Variants in GAK observed in about 807,000 individuals in gnomAD.
GAK encodes cyclin G associated kinase.
Under a neutral mutation model 143.9 loss-of-function variants are expected in GAK, and 79 were observed. The ratio of observed to expected loss-of-function variants is 0.55; its 90% CI spans 0.46 to 0.66. GAK has a LOEUF of 0.66. Ranked by LOEUF, GAK falls within the 30% of genes least tolerant of loss-of-function variation. The pLI is 0.00. For missense variants in GAK, 1,693 were observed against 1,779.7 expected (o/e 0.95, Z 0.88); for synonymous variants, 881 against 765.5 (o/e 1.15, Z -2.49).
intron 5 of GAK, among the ~76,000 whole-genome samples, chr4:904,355 C>T (rs1437274720): frequency 7.8e-6 from 1 of 127,938 alleles, no homozygotes; most frequent in Non-Finnish European, 1.6e-5. Flanking sequence ...GAGCGGGACC[C>T]GCACACAGAG....
intron 24 of GAK, among the ~76,000 whole-genome samples, chr4:858,200 T>G (rs1034859194): frequency 6.6e-6 from 1 of 152,244 alleles, no homozygotes; most frequent in African/African-American, 2.4e-5. Context: ...TTCTACATCC[T>G]TGCAGCCTTC....
chr4:902,182 A>C (rs1265524485), intron 5 of GAK, among the ~76,000 whole-genome samples: 2 of 151,558 alleles, frequency 1.3e-5, no homozygotes, highest in African/African-American at 4.9e-5. Flanking sequence ...AGGCTGCATG[A>C]GCCGAGATCG....
At chr4:849,833 G>GTCCCCCCCC in intron 27 of GAK, 59 bp from the exon 28 acceptor site, 1 of 1,190,152 alleles carries the variant, frequency 8.4e-7, no homozygotes, top group Non-Finnish European at 1.2e-6. Flanking sequence ...GGCGGGGCAG[G>GTCCCCCCCC]ACCCCCCCCC....
rs1288416903 is a variant in GAK at position 917,573 on chromosome 4, AAAATGC to A, written c.146-3911_146-3906del. On this transcript the variant is annotated intron_variant, in intron 1 of 27. Coordinates refer to ENST00000314167, the MANE Select transcript of GAK (RefSeq NM_005255.4). Reference sequence around the variant, plus strand: ...ACAGTTAGTGTACAGAAAACTCTAGAAAATGCAAATGAATCTATAGTAACAGAAGGC... The same window carrying A: ...ACAGTTAGTGTACAGAAAACTCTAGAAAATGAATCTATAGTAACAGAAGGC... Among the ~76,000 whole-genome samples, 20 of 152,396 alleles carry A rather than the reference AAAATGC, an allele frequency of 1.3e-4. 4 individuals carry two copies. The highest frequency in any genetic ancestry group is 1.9e-4 in the East Asian group (1 of 5,196).
chr4:852,138 A>G (rs1159857843), intron 24 of GAK, 164 bp from the exon 25 acceptor site: 2 of 668,198 alleles, frequency 3.0e-6, no homozygotes, highest in African/African-American at 3.6e-5. Flanking sequence ...ACACGTGTGA[A>G]GGTCTCCAGG....
At position 898,097 on chromosome 4, in the gene GAK, G is replaced by A. The variant is rs1416256557; in HGVS notation, c.587C>T (p.Thr196Met). The change falls in exon 6 of 28, where the codon ACG (threonine) becomes ATG (methionine). Residue 196 changes from threonine to methionine, a missense_variant. This residue lies in a region of GAK where 871 missense variants were observed against 991.0 expected (regional missense o/e 0.88). Coordinates refer to ENST00000314167, the MANE Select transcript of GAK (RefSeq NM_005255.4). ...GTAGTCAGGGTAGTGCGAGATGGTC[G>A]TGGCACTGCCAAAGTCACACAGCTT... ...TIKLCDFGSA[T>M]TISHYPDYSW... 1.2e-6 allele frequency: 2 copies of A among 1,614,148 alleles called. No individual in the cohort carries two copies.
intron 7 of GAK, among the ~76,000 whole-genome samples, chr4:895,872 T>C (rs1027070804): frequency 1.3e-5 from 2 of 152,098 alleles, no homozygotes. Flanking sequence ...CAGGGCCAGA[T>C]GCACAACAAG....
rs1036960669 is a variant in GAK at position 896,014 on chromosome 4, C to A, written c.741+446G>T. Among the ~76,000 whole-genome samples the A allele has an allele frequency of 6.6e-5, 10 of 152,338 alleles. 1 individual carries two copies. Among genetic ancestry groups the A allele is most frequent in the Admixed American group, 5.9e-4 (9 of 15,302 alleles). On this transcript the variant is annotated intron_variant, in intron 7 of 27. Transcript: ENST00000314167. ...CAGTGGCTCAAGCCTGTAATCGCAGCACTTTGGGAGGCTGAGGCAGGTGGA... is the reference window on the plus strand; with the variant it reads ...CAGTGGCTCAAGCCTGTAATCGCAGAACTTTGGGAGGCTGAGGCAGGTGGA...
At position 900,001 on chromosome 4, in the gene GAK, G is replaced by C. The variant is rs559517145; in HGVS notation, c.526-1843C>G. Among the ~76,000 whole-genome samples the C allele has an allele frequency of 1.9e-4, 29 of 152,374 alleles. 1 individual carries two copies. In the South Asian group the frequency reaches 5.4e-3, roughly 28 times the overall value. Reference sequence around the variant, plus strand: ...GCAAGAAAATCAGATGCAGAGCGTGGGGCGAGGCTCCCCTCACAGGACGCC... The same window carrying C: ...GCAAGAAAATCAGATGCAGAGCGTGCGGCGAGGCTCCCCTCACAGGACGCC... On this transcript the variant is annotated intron_variant, in intron 5 of 27. Transcript: ENST00000314167.
rs76551887 is a variant in GAK at position 930,861 on chromosome 4, T to C, written c.145+1182A>G. Among the ~76,000 whole-genome samples, 5 of 152,152 alleles carry C rather than the reference T, an allele frequency of 3.3e-5. No homozygotes were observed. In the East Asian group the frequency reaches 9.7e-4, roughly 29 times the overall value. ...CAGTCAAAATGTCTCCGCAGGCCTTTTGTGATAATCAGAATTCTGGGATAG... is the reference window on the plus strand; with the variant it reads ...CAGTCAAAATGTCTCCGCAGGCCTTCTGTGATAATCAGAATTCTGGGATAG... On this transcript the variant is annotated intron_variant, in intron 1 of 27. Transcript: ENST00000314167.
At chr4:909,441 C>T (rs183937030) in intron 4 of GAK, among the ~76,000 whole-genome samples, 2 of 152,186 alleles carry the variant, frequency 1.3e-5, no homozygotes, top group Non-Finnish European at 2.9e-5. Flanking sequence ...GGTATGCGCA[C>T]GGGAAGGGCC....
chr4:922,305 G>A (rs942439562), intron 1 of GAK, among the ~76,000 whole-genome samples: 2 of 151,720 alleles, frequency 1.3e-5, no homozygotes, highest in African/African-American at 4.8e-5. Flanking sequence ...ACTTGAGGTC[G>A]TGAGTTTGAG....
chr4:889,136 G>A (rs1390050610), intron 10 of GAK, among the ~76,000 whole-genome samples, 166 bp from the exon 11 acceptor site: 1 of 151,892 alleles, frequency 6.6e-6, no homozygotes, highest in Non-Finnish European at 1.5e-5. Context: ...AGCAGGAGCA[G>A]GGAGTGGGTG....
rs933327649 is a variant in GAK, at chr4:877,882, A to C, written c.1662-73T>G. ...ACCACACAGCTGATTTTGTCTTTCG[A>C]ATAGAAGTTTTTCATGCTAGAAATT... is the stretch of plus-strand genomic sequence containing the variant. On this transcript the variant is annotated intron_variant, in intron 15 of 27. Coordinates refer to ENST00000314167, the MANE Select transcript of GAK (RefSeq NM_005255.4). 9 of 1,384,722 alleles carry C rather than the reference A, an allele frequency of 6.5e-6. No individual in the cohort carries two copies. The African/African-American group carries it at 1.0e-4, about 16-fold the overall frequency. 85.8% of individuals were successfully genotyped at this position (1,384,722 alleles called of 1,614,324 possible).
intron 23 of GAK, 121 bp downstream of exon 23, chr4:865,001 G>T: frequency 7.5e-7 from 1 of 1,340,914 alleles, no homozygotes; most frequent in Non-Finnish European, 1.0e-6. Flanking sequence ...CACCAAGCAC[G>T]CCCCAGCCCT....
Position 893,430 on chromosome 4 carries a change from G to C in GAK, c.937C>G (p.Leu313Val), listed in dbSNP as rs759153542. Residue 313 changes from leucine (L) to valine (V), a missense_variant, in exon 9 of 28, where the codon CTG becomes GTG. Physicochemically the swap from Leu to Val is conservative, Grantham distance 32 (BLOSUM62 1). Around this residue, in one of 2 missense-constraint regions of GAK, gnomAD observed 871 missense variants for 991.0 expected, o/e 0.88. Transcript: ENST00000314167. Reference protein sequence around the residue: ...RLSIAEVVHQLQEIAAARNVN... With the variant: ...RLSIAEVVHQVQEIAAARNVN... ...TTGCGGGCGGCCGCGATCTCCTGCA[G>C]CTGGTGCACCACCTCGGCGATGGAC... The C allele has an allele frequency of 3.3e-5, 53 of 1,594,664 alleles. No homozygotes were observed. Among genetic ancestry groups the C allele is most frequent in the Non-Finnish European group, 4.3e-5 (50 of 1,171,236 alleles).
At chr4:865,614 T>G (rs1400458869) in intron 22 of GAK, among the ~76,000 whole-genome samples, 2 of 152,204 alleles carry the variant, frequency 1.3e-5, no homozygotes, top group African/African-American at 4.8e-5. Flanking sequence ...CTGGCTGAGC[T>G]GCCTTCGGCA....
intron 24 of GAK, among the ~76,000 whole-genome samples, chr4:856,763 C>T (rs74358512): frequency 0.039 from 5,968 of 152,202 alleles, 146 homozygotes; most frequent in East Asian, 0.1. Flanking sequence ...CTAATTCTTA[C>T]AGGGGTCTCA....
intron 25 of GAK, chr4:851,469 T>G (rs1577021993): frequency 1.8e-6 from 1 of 549,144 alleles, no homozygotes; most frequent in East Asian, 3.2e-5. Context: ...GCTACCATCC[T>G]GATGCCTCCA....
Sources: gnomAD v4.1 joint callset for allele counts (sites outside exome capture counted in the v4.1 genomes callset) on GRCh38, gnomAD v4.1.1 for gene constraint, gnomAD v4.1.1 regional missense constraint, MANE v1.5 for transcripts, NCBI Gene and HGNC (gene_info 2026-07-23, HGNC 2026-07-21) for gene names.